Variants in CDH18 observed in about 807,000 individuals in gnomAD.
CDH18 encodes the protein cadherin 18, also known as cadherin-18.
In CDH18, 31 loss-of-function variants were observed where a neutral mutation model predicts 67.9. The observed-to-expected ratio is 0.46, with a 90% CI of 0.34 to 0.62. The LOEUF (loss-of-function observed/expected upper bound fraction) is 0.62, where lower values mean the gene tolerates loss of function less well. Among genes scored for constraint, CDH18 ranks in the 20% least tolerant of loss-of-function variants. The probability of loss-of-function intolerance (pLI) is 0.01; values close to 1 mark genes in which losing one functional copy is unlikely to be tolerated. For missense variants in CDH18, 890 were observed against 975.5 expected, an observed-to-expected ratio of 0.91 and a Z score of 1.17; for synonymous variants, 362 against 347.2, an observed-to-expected ratio of 1.04 and a Z score of -0.48.
chr5:19,833,160 T>C (rs1781248516), intron 3 of CDH18, among the ~76,000 whole-genome samples: 1 of 152,160 alleles, frequency 6.6e-6, no homozygotes. Context: ...TCCATGAGGA[T>C]GGAATGTTTT....
rs1561351779 is a variant in CDH18 at position 19,811,154 on chromosome 5, GAA to G, written c.228+27603_228+27604del. Among the ~76,000 whole-genome samples the G allele has an allele frequency of 5.6e-3, 119 of 21,346 alleles. 2 individuals are homozygous for G. The highest frequency in any genetic ancestry group is 7.4e-3 in the Non-Finnish European group (79 of 10,642). The allele number at this position is 21,346 out of a possible 152,430, so 14.0% of individuals were successfully genotyped here. A position where few individuals can be genotyped will look rare whatever the true frequency, so the allele number is the denominator to read the frequency against. ...AGAAAGAAAGAAAGAAAGAAAGAAA[GAA>G]AGAAGGAGAGAAAGAAAGAGAAGAA... On this transcript the variant is annotated intron_variant, in intron 3 of 12. Transcript: ENST00000382275.
chr5:19,751,083 T>A (rs369552763), intron 3 of CDH18, among the ~76,000 whole-genome samples: 6 of 152,276 alleles, frequency 3.9e-5, no homozygotes, highest in African/African-American at 1.4e-4. Context: ...TAATAAATTG[T>A]CACTTTCTTA....
chr5:19,490,798 G>A (rs1741340210), intron 11 of CDH18, among the ~76,000 whole-genome samples: 1 of 151,924 alleles, frequency 6.6e-6, no homozygotes, highest in African/African-American at 2.4e-5. Flanking sequence ...TTTGTGAGTA[G>A]GAGTAAAAAG....
chr5:19,914,972 G>A (rs1306814998), intron 2 of CDH18, among the ~76,000 whole-genome samples: 4 of 151,924 alleles, frequency 2.6e-5, no homozygotes, highest in East Asian at 1.9e-4. Flanking sequence ...TTTCCTCCCC[G>A]AAGGAAAGAA....
Position 19,689,409 on chromosome 5 carries a change from A to G in CDH18, c.643+31938T>C, listed in dbSNP as rs1194863354. On this transcript the variant is annotated intron_variant, in intron 5 of 12. Coordinates refer to ENST00000382275, the MANE Select transcript of CDH18 (RefSeq NM_004934.5). ...AAAGAAAATTAAAAAAAAATTGGCAATCAAGATTACTATACACAGCAAAGT... is the reference window on the plus strand; with the variant it reads ...AAAGAAAATTAAAAAAAAATTGGCAGTCAAGATTACTATACACAGCAAAGT... Among the ~76,000 whole-genome samples the G allele has an allele frequency of 2.0e-5, 3 of 152,074 alleles. No individual in the cohort carries two copies. The East Asian group carries it at 5.8e-4, about 29-fold the overall frequency.
intron 4 of CDH18, among the ~76,000 whole-genome samples, chr5:19,734,777 T>C (rs1344840880): frequency 6.6e-6 from 1 of 152,226 alleles, no homozygotes; most frequent in Non-Finnish European, 1.5e-5. Flanking sequence ...TCTTATCCAC[T>C]GTTGGTACCC....
intron 2 of CDH18, among the ~76,000 whole-genome samples, chr5:20,239,652 G>A (rs570522974): frequency 6.6e-6 from 1 of 152,194 alleles, no homozygotes; most frequent in Non-Finnish European, 1.5e-5. Context: ...ATTTCAAATT[G>A]CATCACATTT....
intron 1 of CDH18, chr5:20,255,625 T>A (rs572274737): frequency 6.6e-6 from 1 of 152,070 alleles, no homozygotes; most frequent in Non-Finnish European, 1.5e-5. Flanking sequence ...CAAATACATT[T>A]TTGAAGAGAT....
At chr5:19,790,356 T>G (rs1362860121) in intron 3 of CDH18, among the ~76,000 whole-genome samples, 2 of 152,206 alleles carry the variant, frequency 1.3e-5, no homozygotes, top group African/African-American at 4.8e-5. Flanking sequence ...CCTTTATATA[T>G]TTAATGATTT....
intron 8 of CDH18, among the ~76,000 whole-genome samples, chr5:19,550,592 T>C (rs552875038): frequency 8.5e-4 from 129 of 152,156 alleles, no homozygotes; most frequent in Non-Finnish European, 1.7e-3. Context: ...AGGACATGAA[T>C]TCATCATTTT....
chr5:19,706,244 C>T (rs1326684655), intron 5 of CDH18, among the ~76,000 whole-genome samples: 1 of 152,182 alleles, frequency 6.6e-6, no homozygotes, highest in African/African-American at 2.4e-5. Flanking sequence ...CCTTTTACAT[C>T]ACTCATATTA....
At chr5:19,937,789 G>A (rs1277255664) in intron 2 of CDH18, among the ~76,000 whole-genome samples, 2 of 150,344 alleles carry the variant, frequency 1.3e-5, no homozygotes, top group Admixed American at 6.7e-5. Context: ...AATTTCAGCA[G>A]TTATATATAT....
At chr5:20,180,922 C>A (rs1047862420) in intron 2 of CDH18, among the ~76,000 whole-genome samples, 4 of 152,092 alleles carry the variant, frequency 2.6e-5, no homozygotes, top group Non-Finnish European at 5.9e-5. Flanking sequence ...TGATTATTCA[C>A]CAATGCGTTA....
chr5:20,558,394 T>A (rs1758029991), intron 1 of CDH18, among the ~76,000 whole-genome samples: 1 of 152,010 alleles, frequency 6.6e-6, no homozygotes, highest in Non-Finnish European at 1.5e-5. Flanking sequence ...AAGGTTAGTA[T>A]CTCCAGACTA....
intron 1 of CDH18, among the ~76,000 whole-genome samples, chr5:20,468,320 TA>T (rs1751808448): frequency 6.6e-6 from 1 of 152,166 alleles, no homozygotes; most frequent in South Asian, 2.1e-4. Context: ...CCAGCCTACT[TA>T]CTTTCTAATT....
At chr5:19,750,006 G>A (rs1008081332) in intron 3 of CDH18, among the ~76,000 whole-genome samples, 4 of 151,740 alleles carry the variant, frequency 2.6e-5, no homozygotes, top group African/African-American at 7.3e-5. Context: ...AATGTATTTC[G>A]ATTACATTGC....
At chr5:19,510,121 G>A (rs1744887546) in intron 10 of CDH18, among the ~76,000 whole-genome samples, 1 of 152,092 alleles carries the variant, frequency 6.6e-6, no homozygotes, top group African/African-American at 2.4e-5. Context: ...CAGTCACACA[G>A]CCTGGCAATA....
intron 1 of CDH18, among the ~76,000 whole-genome samples, chr5:20,463,867 A>G (rs1751449143): frequency 6.6e-6 from 1 of 152,132 alleles, no homozygotes; most frequent in African/African-American, 2.4e-5. Context: ...TAGGGGAAGG[A>G]ATGCTACTAA....
chr5:20,251,413 ATAAT>A (rs1743849993), intron 2 of CDH18, among the ~76,000 whole-genome samples: 1 of 148,152 alleles, frequency 6.7e-6, no homozygotes. Flanking sequence ...GATTGATTAG[ATAAT>A]TAAGCCATGT....
Sources: gnomAD v4.1 joint callset for allele counts (sites outside exome capture counted in the v4.1 genomes callset) on GRCh38, gnomAD v4.1.1 for gene constraint, MANE v1.5 for transcripts, NCBI Gene and HGNC (gene_info 2026-07-23, HGNC 2026-07-21) for gene names.